Variants in RDH12 observed in about 807,000 individuals in gnomAD.
RDH12 encodes the protein all-trans and 9-cis retinol dehydrogenase.
In RDH12, 21 loss-of-function variants were observed where a neutral mutation model predicts 34.0. The observed-to-expected ratio is 0.62, with a 90% confidence interval of 0.44 to 0.89. RDH12 has a LOEUF of 0.89. Ranked by LOEUF, RDH12 falls within the 40% of genes least tolerant of loss-of-function variation. The probability of loss-of-function intolerance (pLI) is 0.00; values close to 1 mark genes in which losing one functional copy is unlikely to be tolerated. For synonymous variants in RDH12, 198 were observed against 169.9 expected, an observed-to-expected ratio of 1.17 and a Z score of -1.29; for missense variants, 394 against 398.6, an observed-to-expected ratio of 0.99 and a Z score of 0.10.
chr14:67,722,549 G>C lies in RDH12; in HGVS notation c.-94G>C. 3 of 1,037,242 alleles carry C rather than the reference G, an allele frequency of 2.9e-6. No individual in the cohort carries two copies. The highest frequency in any genetic ancestry group is 1.3e-5 in the South Asian group (1 of 79,566). The allele number at this position is 1,037,242 out of a possible 1,614,324, so 64.3% of individuals were successfully genotyped here. On this transcript the variant is annotated 5_prime_UTR_variant, in exon 3 of 9. Coordinates refer to ENST00000551171, the MANE Select transcript of RDH12 (RefSeq NM_152443.3). The stretch of plus-strand genomic sequence containing the variant: ...GAGGAGCAGAGAAGCAGCAGAAGCA[G>C]CCAAGAGCTGGAGCCAGACCAGGAA...
In RDH12 at chr14:67,729,247, C is replaced by T. The variant is rs751589863; in HGVS notation, c.715C>T (p.Arg239Trp). ...HPGVVRSELV[R>W]HSSLLCLLWR... ...AGGCGTCGTCCGCTCTGAGCTGGTC[C>T]GGCACTCCTCCCTGCTCTGCCTGCT... The change falls in exon 8 of 9, where the codon CGG becomes TGG. Residue 239 changes from arginine to tryptophan, a missense_variant. Arg to Trp is a moderately radical substitution (Grantham distance 101, BLOSUM62 -3). Transcript: ENST00000551171. The T allele has an allele frequency of 8.7e-6, 14 of 1,609,924 alleles. No individual in the cohort carries two copies. The highest frequency in any genetic ancestry group is 1.1e-5 in the Non-Finnish European group (13 of 1,179,992).
In RDH12 at chr14:67,727,108, G is replaced by A. The variant is rs764600869; in HGVS notation, c.576G>A (p.Lys192=). 1.1e-5 allele frequency: 18 copies of A among 1,614,122 alleles called. No individual in the cohort carries two copies. The Admixed American group carries it at 1.7e-4, about 15-fold the overall frequency. Residue 192 remains lysine (K), a synonymous_variant, in exon 7 of 9, where the codon AAG becomes AAA. Transcript: ENST00000551171. ...CCTTCCACGACCTCCAGAGCGAGAAGCGCTACAGCAGGGGTTTTGCCTATT... is the reference window on the plus strand; with the variant it reads ...CCTTCCACGACCTCCAGAGCGAGAAACGCTACAGCAGGGGTTTTGCCTATT... ...KIPFHDLQSE[K]RYSRGFAYCH... is the part of the protein sequence containing the mutation.
chr14:67,732,647 A>C (rs1344594957), intron 8 of RDH12, among the ~76,000 whole-genome samples: 1 of 151,424 alleles, frequency 6.6e-6, no homozygotes, highest in African/African-American at 2.4e-5. Context: ...CGTGATCTCC[A>C]CTCACTGCAA....
chr14:67,709,775 A>G, intron 1 of RDH12, among the ~76,000 whole-genome samples: 1 of 152,196 alleles, frequency 6.6e-6, no homozygotes, highest in East Asian at 1.9e-4. Flanking sequence ...TGTCCTTTTT[A>G]GACCAAGGCA....
At chr14:67,702,669 C>A (rs1185595081) in intron 1 of RDH12, among the ~76,000 whole-genome samples, 1 of 152,102 alleles carries the variant, frequency 6.6e-6, no homozygotes, top group Non-Finnish European at 1.5e-5. Context: ...CTTGGAAAAC[C>A]TTTGGGCTTA....
At chr14:67,713,979 T>C (rs2038039984) in intron 1 of RDH12, among the ~76,000 whole-genome samples, 1 of 152,118 alleles carries the variant, frequency 6.6e-6, no homozygotes, top group Non-Finnish European at 1.5e-5. Context: ...AGGTATGACT[T>C]TGAATAGAAT....
chr14:67,705,681 TA>T (rs1039527046), intron 1 of RDH12, among the ~76,000 whole-genome samples: 5 of 152,338 alleles, frequency 3.3e-5, no homozygotes, highest in African/African-American at 1.2e-4. Context: ...TAAGGTTATT[TA>T]AAATGTTGAC....
intron 1 of RDH12, among the ~76,000 whole-genome samples, chr14:67,707,207 T>C (rs1202066429): frequency 1.3e-5 from 2 of 152,218 alleles, no homozygotes; most frequent in Non-Finnish European, 2.9e-5. Context: ...AAACATTATT[T>C]TGAAGACTTG....
chr14:67,723,141 C>T (rs1200018574), intron 3 of RDH12, among the ~76,000 whole-genome samples: 3 of 152,234 alleles, frequency 2.0e-5, no homozygotes, highest in Non-Finnish European at 4.4e-5. Context: ...ACAAACTCTT[C>T]TGCCTTTGAG....
intron 1 of RDH12, among the ~76,000 whole-genome samples, chr14:67,707,792 T>C (rs1183002478): frequency 2.0e-5 from 3 of 152,238 alleles, no homozygotes; most frequent in Non-Finnish European, 4.4e-5. Flanking sequence ...TAACCTCTCC[T>C]CTTGAGGTTC....
intron 8 of RDH12, among the ~76,000 whole-genome samples, chr14:67,731,203 CTTTCT>C (rs1459481208): frequency 8.4e-6 from 1 of 119,210 alleles, no homozygotes; most frequent in Non-Finnish European, 1.7e-5. Flanking sequence ...ATATTTCTTT[CTTTCT>C]TTTTTTTTTT....
chr14:67,702,293 T>C (rs1004662580), intron 1 of RDH12, among the ~76,000 whole-genome samples: 5 of 152,182 alleles, frequency 3.3e-5, no homozygotes, highest in Admixed American at 6.5e-5. Flanking sequence ...TAAGTTTTTT[T>C]CTATTAACCA....
chr14:67,713,249 C>T (rs1225416219), intron 1 of RDH12, among the ~76,000 whole-genome samples: 2 of 147,676 alleles, frequency 1.4e-5, no homozygotes, highest in African/African-American at 2.5e-5. Context: ...GAAAAACAAA[C>T]AAACAAACAA....
chr14:67,719,660 T>C (rs2038102010), intron 1 of RDH12, among the ~76,000 whole-genome samples: 1 of 152,034 alleles, frequency 6.6e-6, no homozygotes, highest in South Asian at 2.1e-4. Flanking sequence ...TTCCTTTTTG[T>C]AGAGACGGGG....
chr14:67,706,809 A>G (rs2037955088), intron 1 of RDH12, among the ~76,000 whole-genome samples: 1 of 152,284 alleles, frequency 6.6e-6, no homozygotes, highest in African/African-American at 2.4e-5. Flanking sequence ...TTAGAAGAAA[A>G]TGAGTCTCTG....
At chr14:67,728,166 T>G (rs2038214247) in intron 7 of RDH12, 1 of 152,222 alleles carries the variant, frequency 6.6e-6, no homozygotes, top group Non-Finnish European at 1.5e-5. Flanking sequence ...GGGGTCCATT[T>G]GTTACAGTGA....
intron 1 of RDH12, chr14:67,706,197 G>A (rs140817332): frequency 5.7e-4 from 87 of 152,448 alleles, no homozygotes; most frequent in African/African-American, 2.1e-3. Flanking sequence ...TCGCAAGATA[G>A]TGCCTATGAA....
At chr14:67,722,768 G>C in intron 3 of RDH12, 58 bp downstream of exon 3, 1 of 1,361,636 alleles carries the variant, frequency 7.3e-7, no homozygotes, top group Non-Finnish European at 1.1e-6. Flanking sequence ...CTGGAAGCCG[G>C]TTCTCAGCTG....
At chr14:67,722,144 C>G (rs2038130992) in intron 2 of RDH12, among the ~76,000 whole-genome samples, 1 of 152,176 alleles carries the variant, frequency 6.6e-6, no homozygotes, top group Admixed American at 6.5e-5. Flanking sequence ...AGGTTAACTG[C>G]TCTTCTGACG....
Sources: allele counts gnomAD v4.1 joint callset (sites outside exome capture counted in the v4.1 genomes callset), GRCh38; gene constraint gnomAD v4.1.1; transcripts MANE v1.5; gene names NCBI Gene and HGNC (gene_info 2026-07-23, HGNC 2026-07-21).